Variants in HIVEP1 observed in about 807,000 individuals in gnomAD.
The protein encoded by HIVEP1 is zinc finger protein 40.
Under a neutral mutation model 180.0 loss-of-function variants are expected in HIVEP1, and 36 were observed. The observed-to-expected ratio is 0.20, with a 90% CI of 0.15 to 0.26. The LOEUF (loss-of-function observed/expected upper bound fraction) is 0.26, where lower values mean the gene tolerates loss of function less well. Ranked by LOEUF, HIVEP1 falls within the 10% of genes least tolerant of loss-of-function variation. The probability of loss-of-function intolerance (pLI) is 1.00; values close to 1 mark genes in which losing one functional copy is unlikely to be tolerated. For missense variants in HIVEP1, 3,143 were observed against 3,268.7 expected (o/e 0.96, Z 0.94); for synonymous variants, 1,239 against 1,239.0 (o/e 1.00, Z 0.00).
the HIVEP1 span, among the ~76,000 whole-genome samples, chr6:12,178,768 C>A: frequency 6.6e-6 from 1 of 152,138 alleles, no homozygotes; most frequent in Non-Finnish European, 1.5e-5. Context: ...TAGAGGAACA[C>A]TTGCCAAGGG....
At chr6:12,050,602 A>T (rs959535448) in intron 2 of HIVEP1, among the ~76,000 whole-genome samples, 3 of 152,030 alleles carry the variant, frequency 2.0e-5, no homozygotes, top group Admixed American at 6.5e-5. Flanking sequence ...AAAAAAATAA[A>T]AAAATTAAAC....
At chr6:12,126,842 A>AT (rs1269697783) in intron 4 of HIVEP1, among the ~76,000 whole-genome samples, 1 of 152,024 alleles carries the variant, frequency 6.6e-6, no homozygotes, top group Non-Finnish European at 1.5e-5. Context: ...AAAAATAGGG[A>AT]TTTTTCAGGC....
intron 7 of HIVEP1, among the ~76,000 whole-genome samples, chr6:12,155,349 C>T (rs1008997980): frequency 6.6e-6 from 1 of 151,958 alleles, no homozygotes. Context: ...CTGCACAAAC[C>T]ATCTCATCAT....
the HIVEP1 span, among the ~76,000 whole-genome samples, chr6:12,208,940 G>T: frequency 1.3e-5 from 2 of 152,210 alleles, no homozygotes; most frequent in African/African-American, 2.4e-5. Flanking sequence ...TTCATAGAAT[G>T]CAGAGGGATT....
At chr6:12,094,096 T>G (rs1253971760) in intron 3 of HIVEP1, among the ~76,000 whole-genome samples, 1 of 152,044 alleles carries the variant, frequency 6.6e-6, no homozygotes, top group Non-Finnish European at 1.5e-5. Context: ...CTGCTCTATT[T>G]CTTAGAATTT....
intron 2 of HIVEP1, among the ~76,000 whole-genome samples, chr6:12,083,590 G>A (rs1772929322): frequency 6.6e-6 from 1 of 152,130 alleles, no homozygotes; most frequent in Admixed American, 6.5e-5. Flanking sequence ...TGAGGGAGAT[G>A]TCAGGGAAGG....
At chr6:12,105,209 G>C (rs965102116) in intron 3 of HIVEP1, among the ~76,000 whole-genome samples, 10 of 152,186 alleles carry the variant, frequency 6.6e-5, no homozygotes, top group Non-Finnish European at 1.5e-4. Context: ...TGTGAAGCTT[G>C]ATCTTTATGC....
intron 2 of HIVEP1, chr6:12,020,492 A>G (rs970231235): frequency 4.3e-6 from 2 of 469,120 alleles, no homozygotes; most frequent in African/African-American, 4.0e-5. Flanking sequence ...TGGAGGGGTT[A>G]TCTCCACCAC....
chr6:12,172,201 G>T, the HIVEP1 span, among the ~76,000 whole-genome samples: 29 of 152,268 alleles, frequency 1.9e-4, no homozygotes, highest in African/African-American at 6.7e-4. Context: ...TAATTACTTT[G>T]CTTTTGTTCT....
At chr6:12,037,148 G>T (rs1769327603) in intron 2 of HIVEP1, among the ~76,000 whole-genome samples, 2 of 152,172 alleles carry the variant, frequency 1.3e-5, no homozygotes, top group African/African-American at 4.8e-5. Context: ...CGGAGTGGGT[G>T]TTGAGGCCCG....
At chr6:12,153,509 A>C (rs1196915678) in intron 7 of HIVEP1, among the ~76,000 whole-genome samples, 1 of 148,194 alleles carries the variant, frequency 6.7e-6, no homozygotes, top group Non-Finnish European at 1.5e-5. Flanking sequence ...GATCCAGGCT[A>C]TAGATGGCTG....
chr6:12,019,559 C>G (rs1768052203), intron 2 of HIVEP1, among the ~76,000 whole-genome samples: 1 of 152,144 alleles, frequency 6.6e-6, no homozygotes, highest in Admixed American at 6.5e-5. Flanking sequence ...CCAGTTTGCC[C>G]CTACTGTTTC....
intron 3 of HIVEP1, among the ~76,000 whole-genome samples, chr6:12,108,145 T>A (rs1386081306): frequency 1.3e-5 from 2 of 151,996 alleles, no homozygotes. Flanking sequence ...CCCACCAGAG[T>A]AGCTAGATAC....
the HIVEP1 span, among the ~76,000 whole-genome samples, chr6:12,211,126 G>A: frequency 2.1e-3 from 312 of 151,250 alleles, 4 homozygotes; most frequent in African/African-American, 7.3e-3. Context: ...GAGGCCGGGC[G>A]CGGTGGCTCA....
chr6:12,192,050 A>G, the HIVEP1 span, among the ~76,000 whole-genome samples: 17 of 152,364 alleles, frequency 1.1e-4, no homozygotes, highest in African/African-American at 3.8e-4. Flanking sequence ...TGCTTCTGCA[A>G]CACCTTCATA....
At chr6:12,033,414 A>G (rs1304234501) in intron 2 of HIVEP1, among the ~76,000 whole-genome samples, 1 of 152,152 alleles carries the variant, frequency 6.6e-6, no homozygotes, top group Non-Finnish European at 1.5e-5. Flanking sequence ...CGACATTCTC[A>G]GGCCATGATT....
chr6:12,164,396 C>A lies in HIVEP1; in HGVS notation c.8092C>A (p.Pro2698Thr). ...GCCCACAGCACTACCGCGGAGGCAG[C>A]CCACTGTGCACTTCAGCGACGTGAG... ...PRPTALPRRQPTVHFSDVSSD... is the reference protein window; with the variant it reads ...PRPTALPRRQTTVHFSDVSSD... Residue 2698 changes from proline to threonine, a missense_variant, in exon 9 of 9, where the codon CCC becomes ACC. This residue lies in a region of HIVEP1 where 595 missense variants were observed against 602.2 expected (regional missense o/e 0.99). Transcript: ENST00000379388. The A allele has an allele frequency of 6.2e-7, 1 of 1,614,140 alleles. No homozygotes were observed. The highest frequency in any genetic ancestry group is 8.5e-7 in the Non-Finnish European group (1 of 1,180,012).
chr6:12,018,390 C>A (rs893498892), intron 2 of HIVEP1, among the ~76,000 whole-genome samples: 1 of 152,206 alleles, frequency 6.6e-6, no homozygotes, highest in Non-Finnish European at 1.5e-5. Context: ...GGCACCAAGG[C>A]GGAGGAGGCG....
chr6:12,029,923 C>T (rs1268121166), intron 2 of HIVEP1, among the ~76,000 whole-genome samples: 1 of 152,188 alleles, frequency 6.6e-6, no homozygotes, highest in Admixed American at 6.5e-5. Flanking sequence ...AGGTTATCAT[C>T]CTGTACCACT....
Sources: gnomAD v4.1 joint callset for allele counts (sites outside exome capture counted in the v4.1 genomes callset) on GRCh38, gnomAD v4.1.1 for gene constraint, gnomAD v4.1.1 regional missense constraint, MANE v1.5 for transcripts, NCBI Gene and HGNC (gene_info 2026-07-23, HGNC 2026-07-21) for gene names.